CHCHD3: variants seen among roughly 807,000 people sequenced by gnomAD.
CHCHD3 encodes coiled-coil-helix-coiled-coil-helix domain containing 3, also known as MICOS complex subunit MIC19.
Under a neutral mutation model 38.2 loss-of-function variants are expected in CHCHD3, and 20 were observed. The observed-to-expected ratio is 0.52, with a 90% CI of 0.37 to 0.76. The LOEUF (loss-of-function observed/expected upper bound fraction) is 0.76, where lower values mean the gene tolerates loss of function less well. Ranked by LOEUF, CHCHD3 falls within the 30% of genes least tolerant of loss-of-function variation. The pLI is 0.00. For synonymous variants in CHCHD3, 82 were observed against 100.0 expected (o/e 0.82, Z 1.07); for missense variants, 245 against 279.2 (o/e 0.88, Z 0.87).
chr7:132,919,100 CTT>C (rs5887600), intron 4 of CHCHD3, among the ~76,000 whole-genome samples: 8 of 69,502 alleles, frequency 1.2e-4, no homozygotes, highest in African/African-American at 2.9e-4. Flanking sequence ...TGGGTTTATT[CTT>C]TTTTTTTTTT....
chr7:132,859,861 G>A (rs1808437489), intron 5 of CHCHD3, among the ~76,000 whole-genome samples: 1 of 152,118 alleles, frequency 6.6e-6, no homozygotes, highest in Non-Finnish European at 1.5e-5. Flanking sequence ...CTCCCCTCAT[G>A]GGCTGACAAC....
chr7:132,798,571 G>A (rs1487661891), intron 6 of CHCHD3, among the ~76,000 whole-genome samples: 1 of 152,124 alleles, frequency 6.6e-6, no homozygotes, highest in African/African-American at 2.4e-5. Flanking sequence ...ATAGCTCATA[G>A]GAAAGCAAGG....
intron 4 of CHCHD3, among the ~76,000 whole-genome samples, chr7:132,971,439 C>G (rs1811610778): frequency 6.6e-6 from 1 of 152,162 alleles, no homozygotes; most frequent in South Asian, 2.1e-4. Flanking sequence ...TAAAGCAATT[C>G]TTCCAAAGGG....
chr7:132,820,275 T>A (rs1229197734), intron 6 of CHCHD3, among the ~76,000 whole-genome samples: 1 of 152,222 alleles, frequency 6.6e-6, no homozygotes, highest in Non-Finnish European at 1.5e-5. Flanking sequence ...AAATGTTGTA[T>A]TCATAAAAAT....
intron 7 of CHCHD3, among the ~76,000 whole-genome samples, chr7:132,791,958 A>G (rs2096819127): frequency 6.6e-6 from 1 of 152,166 alleles, no homozygotes; most frequent in Admixed American, 6.5e-5. Context: ...TCTCATTTAC[A>G]AGACGTCCTT....
At chr7:132,942,830 T>C (rs1810801901) in intron 4 of CHCHD3, among the ~76,000 whole-genome samples, 2 of 152,284 alleles carry the variant, frequency 1.3e-5, no homozygotes, top group East Asian at 3.9e-4. Flanking sequence ...AGTTCAAAGG[T>C]GAATAAACTA....
chr7:133,055,299 GAAT>G lies in CHCHD3; in HGVS notation c.169+14840_169+14842del, dbSNP rs1033175079. ...TATAATTATATTATCTATTTAATTA[GAAT>G]AATTAGTTGAATATATTATATATAA... On this transcript the variant is annotated intron_variant, in intron 2 of 7. Transcript: ENST00000262570. Among the ~76,000 whole-genome samples, 21 of 143,636 alleles carry G rather than the reference GAAT, an allele frequency of 1.5e-4. No homozygotes were observed. The South Asian group carries it at 3.9e-3, about 27-fold the overall frequency. 94.2% of individuals were successfully genotyped at this position (143,636 alleles called of 152,430 possible).
intron 6 of CHCHD3, among the ~76,000 whole-genome samples, chr7:132,820,211 T>A (rs1444562582): frequency 2.0e-5 from 3 of 152,220 alleles, no homozygotes; most frequent in Admixed American, 2.0e-4. Context: ...CACATAACTT[T>A]GGCTGTTGGG....
chr7:132,807,606 A>AATATATAT (rs55835343), intron 6 of CHCHD3, among the ~76,000 whole-genome samples: 2,851 of 108,546 alleles, frequency 0.026, 83 homozygotes, highest in Non-Finnish European at 0.03. Context: ...CATACACATA[A>AATATATAT]ATATATATAT....
intron 4 of CHCHD3, among the ~76,000 whole-genome samples, chr7:132,938,355 T>C (rs1419696374): frequency 6.6e-6 from 1 of 152,156 alleles, no homozygotes; most frequent in Non-Finnish European, 1.5e-5. Context: ...GTCTAGTTTC[T>C]TGATTCCAAA....
intron 6 of CHCHD3, among the ~76,000 whole-genome samples, chr7:132,809,225 TA>T (rs1408759381): frequency 6.6e-6 from 1 of 151,946 alleles, no homozygotes; most frequent in East Asian, 1.9e-4. Context: ...CCTCCCAAAG[TA>T]CTAGGATATG....
chr7:133,065,123 A>G lies in CHCHD3; in HGVS notation c.169+5019T>C, dbSNP rs1474110894. On this transcript the variant is annotated intron_variant, in intron 2 of 7. Coordinates refer to ENST00000262570, the MANE Select transcript of CHCHD3 (RefSeq NM_017812.4). ...TAAGAAAAAAATTATCTGGTATAAA[A>G]GCAAACCAATATAGTTGAGATAACG... Among the ~76,000 whole-genome samples, 9 of 152,238 alleles carry G rather than the reference A, an allele frequency of 5.9e-5. No homozygotes were observed. The South Asian group carries it at 1.9e-3, about 32-fold the overall frequency.
chr7:133,028,980 A>G (rs1813427397), intron 2 of CHCHD3, among the ~76,000 whole-genome samples: 1 of 151,956 alleles, frequency 6.6e-6, no homozygotes, highest in African/African-American at 2.4e-5. Flanking sequence ...TGACCTAGGG[A>G]TTCTACAGGA....
At chr7:133,025,508 CTTTG>C (rs910998156) in intron 2 of CHCHD3, among the ~76,000 whole-genome samples, 3 of 151,958 alleles carry the variant, frequency 2.0e-5, no homozygotes, top group Non-Finnish European at 4.4e-5. Flanking sequence ...GTTTTTTTCT[CTTTG>C]TTTGTTTGTT....
chr7:132,902,780 C>T (rs1809702116), intron 4 of CHCHD3, among the ~76,000 whole-genome samples: 1 of 152,106 alleles, frequency 6.6e-6, no homozygotes, highest in African/African-American at 2.4e-5. Flanking sequence ...AACAAACCTA[C>T]ACGTTGTGCA....
In CHCHD3 at chr7:133,068,421, GAAT is replaced by G. The variant is rs760004432; in HGVS notation, c.169+1718_169+1720del. On this transcript the variant is annotated intron_variant, in intron 2 of 7. Transcript: ENST00000262570. The stretch of plus-strand genomic sequence containing the variant: ...TAGAGGAAAGGTGATAGGAGATGAT[GAAT>G]AATGTGATGATGTTGGAAGGCAGAG... Among the ~76,000 whole-genome samples, 231 of 152,298 alleles carry G rather than the reference GAAT, an allele frequency of 1.5e-3. 1 individual carries two copies. The highest frequency in any genetic ancestry group is 1.2e-3 in the Non-Finnish European group (81 of 68,014).
At chr7:132,820,659 C>CT (rs1807348062) in intron 6 of CHCHD3, among the ~76,000 whole-genome samples, 3 of 62,370 alleles carry the variant, frequency 4.8e-5, no homozygotes, top group African/African-American at 1.8e-4. Context: ...ATCTAGTCTT[C>CT]TTTTCTGAAC....
intron 6 of CHCHD3, among the ~76,000 whole-genome samples, chr7:132,828,936 TA>T (rs965377001): frequency 3.3e-5 from 5 of 152,196 alleles, no homozygotes; most frequent in African/African-American, 1.2e-4. Context: ...ATATCTGACA[TA>T]AGGACAGAAT....
chr7:132,845,517 A>G (rs945130424), intron 5 of CHCHD3, among the ~76,000 whole-genome samples: 13 of 152,200 alleles, frequency 8.5e-5, no homozygotes, highest in Non-Finnish European at 1.0e-4. Context: ...AGGAGCGTTA[A>G]TAGCTACGGA....
Sources: allele counts gnomAD v4.1 joint callset (sites outside exome capture counted in the v4.1 genomes callset), GRCh38; gene constraint gnomAD v4.1.1; transcripts MANE v1.5; gene names NCBI Gene and HGNC (gene_info 2026-07-23, HGNC 2026-07-21).